RBFOX3: variants seen among roughly 807,000 people sequenced by gnomAD.
RBFOX3 encodes RNA binding fox-1 homolog 3, also known as RNA binding protein fox-1 homolog 3.
RBFOX3 carries 17 observed loss-of-function variants against 48.7 expected under a neutral mutation model. The observed-to-expected ratio is 0.35, with a 90% CI of 0.24 to 0.52. The LOEUF is 0.52. Among genes scored for constraint, RBFOX3 ranks in the 20% least tolerant of loss-of-function variants. RBFOX3 has a pLI of 0.94. For synonymous variants in RBFOX3, 212 were observed against 209.5 expected, an observed-to-expected ratio of 1.01 and a Z score of -0.10; for missense variants, 382 against 497.5, an observed-to-expected ratio of 0.77 and a Z score of 2.21.
At chr17:79,148,502 C>G (rs1477939920) in intron 4 of RBFOX3, among the ~76,000 whole-genome samples, 1 of 152,184 alleles carries the variant, frequency 6.6e-6, no homozygotes, top group East Asian at 1.9e-4. Context: ...CCCCACACCC[C>G]CCCAGACCAT....
chr17:79,452,830 G>A (rs1555742540), intron 2 of RBFOX3, among the ~76,000 whole-genome samples: 1 of 152,202 alleles, frequency 6.6e-6, no homozygotes, highest in African/African-American at 2.4e-5. Flanking sequence ...ACAACCCGGG[G>A]GCATTGCAGG....
chr17:79,352,005 G>A (rs1217181670), intron 2 of RBFOX3, among the ~76,000 whole-genome samples: 1 of 152,160 alleles, frequency 6.6e-6, no homozygotes, highest in Non-Finnish European at 1.5e-5. Flanking sequence ...GGCTTCTACT[G>A]AGAGGAGAAG....
At chr17:79,497,752 C>A (rs2081762703) in intron 1 of RBFOX3, among the ~76,000 whole-genome samples, 1 of 152,330 alleles carries the variant, frequency 6.6e-6, no homozygotes, top group South Asian at 2.1e-4. Flanking sequence ...AAGGTGTGCA[C>A]CTTACAGCAA....
chr17:79,477,670 T>C lies in RBFOX3; in HGVS notation c.-175+4784A>G, dbSNP rs2078135320. 6.6e-6 allele frequency among the ~76,000 whole-genome samples: 1 copy of C among 152,090 alleles called. No individual in the cohort carries two copies. The highest frequency in any genetic ancestry group is 2.4e-5 in the African/African-American group (1 of 41,396). ...TTCTCACAGGGACATCCTCAGAGCTTGCTCTGGTGGTGAACAAGCAAAGGG... is the reference window on the plus strand; with the variant it reads ...TTCTCACAGGGACATCCTCAGAGCTCGCTCTGGTGGTGAACAAGCAAAGGG... On this transcript the variant is annotated intron_variant, in intron 2 of 14. Coordinates refer to ENST00000693108, the MANE Select transcript of RBFOX3 (RefSeq NM_001350451.2). This position sits in a 1 kb window ranked among gnomAD's most constrained non-coding sequence, Gnocchi z 4.8.
chr17:79,337,391 G>C (rs1233594081), intron 2 of RBFOX3, among the ~76,000 whole-genome samples: 1 of 152,022 alleles, frequency 6.6e-6, no homozygotes, highest in Non-Finnish European at 1.5e-5. Flanking sequence ...GGGCACAAAT[G>C]CACTCTCGTG....
chr17:79,457,303 C>A (rs921394368), intron 2 of RBFOX3, among the ~76,000 whole-genome samples: 1 of 152,218 alleles, frequency 6.6e-6, no homozygotes, highest in South Asian at 2.1e-4. Context: ...AGGACACAGG[C>A]TGGAATCAAT....
chr17:79,419,203 G>A (rs2065853558), intron 2 of RBFOX3, among the ~76,000 whole-genome samples: 1 of 152,184 alleles, frequency 6.6e-6, no homozygotes, highest in Non-Finnish European at 1.5e-5. Flanking sequence ...GGCATACGTG[G>A]CTGGGAATGG....
Position 79,473,373 on chromosome 17 carries a change from G to A in RBFOX3, c.-175+9081C>T, listed in dbSNP as rs1433867269. 6.6e-6 allele frequency among the ~76,000 whole-genome samples: 1 copy of A among 152,220 alleles called. No homozygotes were observed. Among genetic ancestry groups the A allele is most frequent in the Non-Finnish European group, 1.5e-5 (1 of 68,042 alleles). On this transcript the variant is annotated intron_variant, in intron 2 of 14. Transcript: ENST00000693108. The surrounding 1 kb of genome is among the most constrained non-coding windows in gnomAD (Gnocchi z 4.2). ...ATCTGCAGCTCAGCTTCCTCACAGAGCCCGAGTTGGAACTGTTGTGAGGAT... is the reference window on the plus strand; with the variant it reads ...ATCTGCAGCTCAGCTTCCTCACAGAACCCGAGTTGGAACTGTTGTGAGGAT...
chr17:79,506,700 G>T (rs1463036361), intron 1 of RBFOX3, among the ~76,000 whole-genome samples: 4 of 152,222 alleles, frequency 2.6e-5, no homozygotes, highest in Non-Finnish European at 5.9e-5. Context: ...TTTGTCAGAG[G>T]TTGGAAGCTG....
intron 1 of RBFOX3, among the ~76,000 whole-genome samples, chr17:79,516,761 C>T (rs947333148): frequency 8.1e-4 from 124 of 152,292 alleles, no homozygotes; most frequent in Non-Finnish European, 1.3e-3. Context: ...GATGGATGGA[C>T]GGACAGACGG....
rs1184492231 is a variant in RBFOX3, at chr17:79,214,504, A to T, written c.-34+21262T>A. Among the ~76,000 whole-genome samples the T allele has an allele frequency of 6.6e-6, 1 of 151,542 alleles. No individual in the cohort carries two copies. Among genetic ancestry groups the T allele is most frequent in the East Asian group, 2.0e-4 (1 of 5,090 alleles). On this transcript the variant is annotated intron_variant, in intron 4 of 14. Coordinates refer to ENST00000693108, the MANE Select transcript of RBFOX3 (RefSeq NM_001350451.2). This position sits in a 1 kb window ranked among gnomAD's most constrained non-coding sequence, Gnocchi z 4.7. ...CTGCCCACCCTGGCACCCAGGGAGG[A>T]GGAGGAGAGATGGGAGAAGAGGGGC...
chr17:79,502,311 T>C (rs1158933839), intron 1 of RBFOX3, among the ~76,000 whole-genome samples: 1 of 152,068 alleles, frequency 6.6e-6, no homozygotes, highest in Non-Finnish European at 1.5e-5. Flanking sequence ...AATAGCCAAA[T>C]TCATAGAGAA....
intron 1 of RBFOX3, among the ~76,000 whole-genome samples, chr17:79,559,227 T>A (rs1056566922): frequency 1.3e-5 from 2 of 152,322 alleles, no homozygotes; most frequent in African/African-American, 2.4e-5. Context: ...TAGCATGCAT[T>A]AAGTGCTTAC....
intron 2 of RBFOX3, among the ~76,000 whole-genome samples, chr17:79,408,214 G>A (rs542204980): frequency 6.6e-6 from 1 of 152,262 alleles, no homozygotes; most frequent in Admixed American, 6.5e-5. Flanking sequence ...ACACACACTC[G>A]ATGGCTGGGT....
At chr17:79,544,912 A>C (rs2090190798) in intron 1 of RBFOX3, among the ~76,000 whole-genome samples, 1 of 150,208 alleles carries the variant, frequency 6.7e-6, no homozygotes, top group Non-Finnish European at 1.5e-5. Context: ...CAAAGCAGCA[A>C]GGGATAAAAA....
chr17:79,372,520 T>C (rs1364320336), intron 2 of RBFOX3, among the ~76,000 whole-genome samples: 1 of 151,598 alleles, frequency 6.6e-6, no homozygotes, highest in African/African-American at 2.4e-5. Flanking sequence ...AGGCCAGGCC[T>C]GGCCCGGGCT....
At chr17:79,558,443 CG>C (rs2091939884) in intron 1 of RBFOX3, among the ~76,000 whole-genome samples, 1 of 152,132 alleles carries the variant, frequency 6.6e-6, no homozygotes, top group Admixed American at 6.5e-5. Flanking sequence ...AGCTGAGGGG[CG>C]GGGCTGAGGG....
At chr17:79,446,540 T>C (rs2072333439) in intron 2 of RBFOX3, among the ~76,000 whole-genome samples, 1 of 152,178 alleles carries the variant, frequency 6.6e-6, no homozygotes, top group Non-Finnish European at 1.5e-5. Flanking sequence ...ATATGCCCAC[T>C]AGCGTGCCAT....
intron 4 of RBFOX3, among the ~76,000 whole-genome samples, chr17:79,192,277 C>T (rs1172735283): frequency 1.3e-5 from 2 of 152,218 alleles, no homozygotes; most frequent in African/African-American, 2.4e-5. Flanking sequence ...TAGCCGCTCC[C>T]GGCCTTTCCT....
Sources: allele counts gnomAD v4.1 joint callset (sites outside exome capture counted in the v4.1 genomes callset), GRCh38; gene constraint gnomAD v4.1.1; non-coding constraint Gnocchi (gnomAD v3.1); transcripts MANE v1.5; gene names NCBI Gene and HGNC (gene_info 2026-07-23, HGNC 2026-07-21).